The following E4F1 variants were observed in gnomAD, a reference collection of about 807,000 sequenced individuals.
E4F1 encodes the protein E4F transcription factor 1, also known as transcription factor E4F1.
In E4F1, 30 loss-of-function variants were observed where a neutral mutation model predicts 72.9. The ratio of observed to expected loss-of-function variants is 0.41; its 90% CI spans 0.31 to 0.56. The LOEUF is 0.56. Among genes scored for constraint, E4F1 ranks in the 20% least tolerant of loss-of-function variants. The probability of loss-of-function intolerance (pLI) is 0.25; values close to 1 mark genes in which losing one functional copy is unlikely to be tolerated. For synonymous variants in E4F1, 542 were observed against 478.2 expected, an observed-to-expected ratio of 1.13 and a Z score of -1.74; for missense variants, 1,091 against 1,117.5, an observed-to-expected ratio of 0.98 and a Z score of 0.34.
chr16:2,229,055 C>T (rs935545256), intron 2 of E4F1, among the ~76,000 whole-genome samples: 1 of 152,252 alleles, frequency 6.6e-6, no homozygotes. Context: ...AGAAAGTGGT[C>T]AGTGGCCTCT....
In E4F1 at chr16:2,233,176, C is replaced by G; in HGVS notation, c.1049C>G (p.Ala350Gly). ...QELSLGMKAL[A>G]PEPPVSQELP... ...CTGTCCCTGGGCATGAAAGCCCTGG[C>G]CCCAGAGGTGGGGGCGACGGGGGGC... The change falls in exon 7 of 14, where the codon GCC becomes GGC. Residue 350 changes from alanine (A) to glycine (G), a missense_variant. By Grantham distance (60) the Ala-to-Gly change is moderately conservative. Transcript: ENST00000301727. 6.2e-7 allele frequency: 1 copy of G among 1,601,338 alleles called. No homozygotes were observed.
Position 2,234,575 on chromosome 16 carries a change from C to G in E4F1, c.1594-8C>G. The G allele has an allele frequency of 6.3e-7, 1 of 1,577,518 alleles. No homozygotes were observed. Among genetic ancestry groups the G allele is most frequent in the Non-Finnish European group, 8.6e-7 (1 of 1,161,442 alleles). The stretch of plus-strand genomic sequence containing the variant: ...AGGCCAGGCTGGCACTGACAGGTGT[C>G]TCCACAGAACGCACAGCAGGTGCAC... On this transcript the variant is annotated splice_polypyrimidine_tract_variant and splice_region_variant and intron_variant, in intron 10 of 13. Coordinates refer to ENST00000301727, the MANE Select transcript of E4F1 (RefSeq NM_004424.5).
chr16:2,228,507 C>T lies in E4F1; in HGVS notation c.293C>T (p.Ala98Val), dbSNP rs367946733. The change falls in exon 2 of 14, where the codon GCG (alanine) becomes GTG (valine). Residue 98 changes from alanine (A) to valine (V), a missense_variant. By Grantham distance (64) the Ala-to-Val change is moderately conservative. This residue lies in a region of E4F1 where 362 missense variants were observed against 358.6 expected (regional missense o/e 1.01). Coordinates refer to ENST00000301727, the MANE Select transcript of E4F1 (RefSeq NM_004424.5). The part of the protein sequence containing the change: ...EALPATPATT[A>V]LLGQEVVPAA... ...CTGCCTGCCACCCCTGCCACCACAG[C>T]GTTGCTGGGCCAGGAGGTGAGCCCT... 1.1e-5 allele frequency: 18 copies of T among 1,612,646 alleles called. No individual in the cohort carries two copies. Among genetic ancestry groups the T allele is most frequent in the South Asian group, 1.1e-4 (10 of 91,062 alleles).
chr16:2,232,632 G>T (rs1437485912), intron 5 of E4F1, 56 bp downstream of exon 5: 23 of 1,605,406 alleles, frequency 1.4e-5, no homozygotes, highest in African/African-American at 4.0e-5. Flanking sequence ...GTTGGCCCTG[G>T]GGTGCCCCAG....
chr16:2,234,502 TC>T, intron 10 of E4F1, 80 bp from the exon 11 acceptor site: 1 of 1,558,996 alleles, frequency 6.4e-7, no homozygotes, highest in Non-Finnish European at 8.7e-7. Context: ...ACCCAGCCCC[TC>T]CCTTGGGCCA....
At chr16:2,223,969 T>A in intron 1 of E4F1, 199 bp downstream of exon 1, 1 of 1,512,230 alleles carries the variant, frequency 6.6e-7, no homozygotes, top group Non-Finnish European at 8.8e-7. Flanking sequence ...GCGGGGCGCC[T>A]GTCATCCCCC....
chr16:2,228,449 CAGA>C lies in E4F1; in HGVS notation c.238_240del (p.Lys80del). ...GGAGGATTTTGTTCAGCACAAGATT[CAGA>C]AGGCCTGCCAGCGGGCCCCTCCGGA... On this transcript the variant is annotated inframe_deletion, in exon 2 of 14. Transcript: ENST00000301727. 1 of 1,613,556 alleles carries C rather than the reference CAGA, an allele frequency of 6.2e-7. No homozygotes were observed.
chr16:2,231,383 G>C (rs1209361990), intron 3 of E4F1: 2 of 152,266 alleles, frequency 1.3e-5, no homozygotes, highest in African/African-American at 4.8e-5. Flanking sequence ...AGCGTGTAAG[G>C]GCTCGGGCAG....
chr16:2,235,450 G>A lies in E4F1; in HGVS notation c.2233G>A (p.Gly745Ser). Residue 745 changes from glycine to serine, a missense_variant, in exon 14 of 14, where the codon GGC becomes AGC. Transcript: ENST00000301727. ...GCTTGCCGCCCGGGCAGGGACAAGT[G>A]GCACTGAACAGGCCACTGTGACCAT... ...TVLAARAGTS[G>S]TEQATVTMVS... is the part of the protein sequence containing the mutation. 6.2e-7 allele frequency: 1 copy of A among 1,612,622 alleles called. No homozygotes were observed. The highest frequency in any genetic ancestry group is 1.7e-5 in the Admixed American group (1 of 60,000).
intron 1 of E4F1, among the ~76,000 whole-genome samples, chr16:2,227,359 G>A (rs2093437949): frequency 6.6e-6 from 1 of 151,916 alleles, no homozygotes; most frequent in Non-Finnish European, 1.5e-5. Context: ...ACAGGCATGC[G>A]CCACCAAGCC....
rs760502409 is a variant in E4F1, at chr16:2,232,211, G to A, written c.456G>A (p.Ala152=). 12 of 1,612,736 alleles carry A rather than the reference G, an allele frequency of 7.4e-6. No homozygotes were observed. Among genetic ancestry groups the A allele is most frequent in the East Asian group, 2.2e-5 (1 of 44,872 alleles). Residue 152 remains alanine (A), a synonymous_variant, in exon 4 of 14, where the codon GCG becomes GCA. Coordinates refer to ENST00000301727, the MANE Select transcript of E4F1 (RefSeq NM_004424.5). Reference sequence around the variant, plus strand: ...AAGAGGTCATCGTGGCTGCTGAGGCGGAGCTGGGAGACGGTGAGATGGCCG... The same window carrying A: ...AAGAGGTCATCGTGGCTGCTGAGGCAGAGCTGGGAGACGGTGAGATGGCCG... ...HIKEVIVAAE[A]ELGDGEMAEA...
intron 12 of E4F1, 23 bp downstream of exon 12, chr16:2,235,024 G>A (rs201979006): frequency 1.9e-5 from 30 of 1,611,944 alleles, no homozygotes; most frequent in Admixed American, 1.7e-4. Context: ...CCCTGGGGCC[G>A]TGCTGGGACC....
chr16:2,225,144 C>T (rs113062677), intron 1 of E4F1, among the ~76,000 whole-genome samples: 1,957 of 151,528 alleles, frequency 0.013, 35 homozygotes, highest in African/African-American at 0.044. Context: ...GCCCAGGAGA[C>T]GGAGGTCGCA....
intron 1 of E4F1, among the ~76,000 whole-genome samples, chr16:2,224,095 C>G (rs1311770959): frequency 6.6e-6 from 1 of 152,268 alleles, no homozygotes; most frequent in East Asian, 1.9e-4. Context: ...CTGAGCCTGG[C>G]CCTCCCCTCC....
At position 2,229,684 on chromosome 16, in the gene E4F1, ACT is replaced by A. The variant is rs1217575053; in HGVS notation, c.415+10_415+11del. The A allele has an allele frequency of 6.2e-7, 1 of 1,612,240 alleles. No homozygotes were observed. The highest frequency in any genetic ancestry group is 8.5e-7 in the Non-Finnish European group (1 of 1,179,776). ...CGCATCTGACCTTGTTGGTAAGCCG[ACT>A]TCCATGAATCGCTGGCCTGATAGAC... On this transcript the variant is annotated intron_variant, in intron 3 of 13. Transcript: ENST00000301727.
rs951851616 is a variant in E4F1 at position 2,233,512 on chromosome 16, C to T, written c.1131C>T (p.Asn377=). The T allele has an allele frequency of 1.3e-6, 2 of 1,518,030 alleles. No individual in the cohort carries two copies. The highest frequency in any genetic ancestry group is 1.8e-4 in the Middle Eastern group (1 of 5,608). 94.0% of individuals were successfully genotyped at this position (1,518,030 alleles called of 1,614,324 possible). The change falls in exon 8 of 14, where the codon AAC becomes AAT. Residue 377 remains asparagine (N), a synonymous_variant. Coordinates refer to ENST00000301727, the MANE Select transcript of E4F1 (RefSeq NM_004424.5). Reference sequence around the variant, plus strand: ...ACCTGCTGCACCAGGCCATGCAGAACTCCGGCATCGTCCTTGAGCGCGCTG... The same window carrying T: ...ACCTGCTGCACCAGGCCATGCAGAATTCCGGCATCGTCCTTGAGCGCGCTG... The part of the protein sequence containing the change: ...RENLLHQAMQ[N]SGIVLERAAG...
Position 2,235,714 on chromosome 16 carries a change from T to A in E4F1, c.*142T>A. ...GACAGTGTACATAAGAGTTTCTTGTTGCTTTACAATAAAACATGAGAACCT... is the reference window on the plus strand; with the variant it reads ...GACAGTGTACATAAGAGTTTCTTGTAGCTTTACAATAAAACATGAGAACCT... On this transcript the variant is annotated 3_prime_UTR_variant, in exon 14 of 14. Transcript: ENST00000301727. The A allele has an allele frequency of 1.4e-6, 1 of 704,680 alleles. No individual in the cohort carries two copies. The highest frequency in any genetic ancestry group is 2.3e-6 in the Non-Finnish European group (1 of 441,620). 43.7% of individuals were successfully genotyped at this position (704,680 alleles called of 1,614,324 possible).
At chr16:2,229,057 G>A (rs138466132) in intron 2 of E4F1, among the ~76,000 whole-genome samples, 131 of 152,380 alleles carry the variant, frequency 8.6e-4, no homozygotes, top group African/African-American at 3.1e-3. Flanking sequence ...AAAGTGGTCA[G>A]TGGCCTCTGG....
chr16:2,233,412 GCCT>G (rs751100321), intron 7 of E4F1, 23 bp from the exon 8 acceptor site: 1 of 1,502,210 alleles, frequency 6.7e-7, no homozygotes, highest in Admixed American at 2.2e-5. Context: ...TGCCTGGCCA[GCCT>G]CCTCTCTCTG....
Sources: allele counts gnomAD v4.1 joint callset (sites outside exome capture counted in the v4.1 genomes callset), GRCh38; gene constraint gnomAD v4.1.1; regional missense constraint gnomAD v4.1.1; transcripts MANE v1.5; gene names NCBI Gene and HGNC (gene_info 2026-07-23, HGNC 2026-07-21).